The following ZBTB16 variants were observed in gnomAD, a reference collection of about 807,000 sequenced individuals.
ZBTB16 encodes the protein zinc finger and BTB domain containing 16, also known as zinc finger and BTB domain-containing protein 16.
Under a neutral mutation model 56.8 loss-of-function variants are expected in ZBTB16, and 8 were observed. That is an observed-to-expected ratio of 0.14 (90% CI 0.08 to 0.25). The LOEUF is 0.25. ZBTB16 is among the 10% of genes least tolerant of loss of function. The pLI is 1.00. For missense variants in ZBTB16, 625 were observed against 903.0 expected (o/e 0.69, Z 3.95); for synonymous variants, 363 against 368.5 (o/e 0.98, Z 0.17).
At chr11:114,139,626 CGT>C (rs750514241) in intron 2 of ZBTB16, among the ~76,000 whole-genome samples, 14,802 of 138,282 alleles carry the variant, frequency 0.11, 875 homozygotes, top group East Asian at 0.2. Context: ...CCGCGGTCCA[CGT>C]GTGTGTGTGT....
At chr11:114,210,200 C>CGT (rs1281365388) in intron 4 of ZBTB16, among the ~76,000 whole-genome samples, 3 of 140,558 alleles carry the variant, frequency 2.1e-5, no homozygotes, top group African/African-American at 8.0e-5. Context: ...TGTGCGTGCG[C>CGT]GCGCGTGCAC....
At chr11:114,134,570 G>C (rs1453200928) in intron 2 of ZBTB16, among the ~76,000 whole-genome samples, 1 of 152,170 alleles carries the variant, frequency 6.6e-6, no homozygotes, top group Non-Finnish European at 1.5e-5. Flanking sequence ...TTTATACTTA[G>C]GACTGACCAC....
At chr11:114,066,908 C>G (rs1341628125) in intron 2 of ZBTB16, among the ~76,000 whole-genome samples, 1 of 151,618 alleles carries the variant, frequency 6.6e-6, no homozygotes, top group Non-Finnish European at 1.5e-5. Flanking sequence ...GTAGCTGGGA[C>G]TACAGGCACC....
At chr11:114,091,809 AC>A (rs1940202497) in intron 2 of ZBTB16, among the ~76,000 whole-genome samples, 1 of 152,042 alleles carries the variant, frequency 6.6e-6, no homozygotes, top group African/African-American at 2.4e-5. Flanking sequence ...GACAAAGAGA[AC>A]AAAACCAAAT....
At chr11:114,216,885 A>AG (rs11440241) in intron 4 of ZBTB16, among the ~76,000 whole-genome samples, 2,221 of 152,302 alleles carry the variant, frequency 0.015, 53 homozygotes, top group African/African-American at 0.05. Context: ...GTTGAGAGGA[A>AG]GACAGACACA....
At chr11:114,061,561 G>A (rs1938870834) in intron 1 of ZBTB16, 1 of 152,324 alleles carries the variant, frequency 6.6e-6, no homozygotes, top group Non-Finnish European at 1.5e-5. Flanking sequence ...TGGGGGTGGA[G>A]GCAAGCAAGC....
At chr11:114,194,844 G>A (rs1226254675) in intron 4 of ZBTB16, among the ~76,000 whole-genome samples, 4 of 152,134 alleles carry the variant, frequency 2.6e-5, no homozygotes, top group African/African-American at 9.7e-5. Flanking sequence ...TACCATTAAT[G>A]GCTTAATTTA....
At chr11:114,095,245 C>CTTTTTTTTTTTTTTT (rs745895999) in intron 2 of ZBTB16, among the ~76,000 whole-genome samples, 4 of 90,482 alleles carry the variant, frequency 4.4e-5, no homozygotes, top group African/African-American at 1.2e-4. Flanking sequence ...CTTTTCTTTT[C>CTTTTTTTTTTTTTTT]TTTTTTTTTT....
chr11:114,103,834 G>A (rs1234673740), intron 2 of ZBTB16, among the ~76,000 whole-genome samples: 1 of 152,110 alleles, frequency 6.6e-6, no homozygotes, highest in East Asian at 1.9e-4. Context: ...GAGGTGTGGG[G>A]GCTTGTGGTG....
intron 4 of ZBTB16, among the ~76,000 whole-genome samples, chr11:114,238,101 G>A (rs529887425): frequency 1.2e-4 from 18 of 152,176 alleles, no homozygotes; most frequent in East Asian, 5.8e-4. Flanking sequence ...GATTTTTTGC[G>A]TGCCACTCCT....
At chr11:114,176,673 T>A (rs1418116399) in intron 3 of ZBTB16, among the ~76,000 whole-genome samples, 1 of 152,202 alleles carries the variant, frequency 6.6e-6, no homozygotes, top group Non-Finnish European at 1.5e-5. Context: ...AGCGCCCAGC[T>A]TCTCATGAAC....
chr11:114,128,927 C>G (rs1368735661), intron 2 of ZBTB16, among the ~76,000 whole-genome samples: 1 of 152,154 alleles, frequency 6.6e-6, no homozygotes, highest in Admixed American at 6.5e-5. Context: ...TTTGCAGGAC[C>G]TCTTGAGCTC....
chr11:114,183,210 C>G (rs1943290384), intron 3 of ZBTB16, among the ~76,000 whole-genome samples: 1 of 152,188 alleles, frequency 6.6e-6, no homozygotes, highest in South Asian at 2.1e-4. Context: ...AAGGAGGGAC[C>G]TGGCCCAGAG....
rs1337057245 is a variant in ZBTB16, at chr11:114,247,193, C to T, written c.1625-5C>T. ...AAGGCCTGATCCAGCCCCTTGTCTC[C>T]ACAGGCGACCACCCCTACGAGTGTG... On this transcript the variant is annotated splice_region_variant and splice_polypyrimidine_tract_variant and intron_variant, in intron 5 of 6. Transcript: ENST00000335953. 4 of 1,614,106 alleles carry T rather than the reference C, an allele frequency of 2.5e-6. No individual in the cohort carries two copies. Among genetic ancestry groups the T allele is most frequent in the African/African-American group, 1.3e-5 (1 of 74,924 alleles).
chr11:114,190,730 T>TATACAC (rs1404711208), intron 4 of ZBTB16, among the ~76,000 whole-genome samples: 9 of 143,502 alleles, frequency 6.3e-5, no homozygotes, highest in African/African-American at 2.0e-4. Flanking sequence ...CTCTCTCTCA[T>TATACAC]ACACACACAC....
At position 114,255,274 on chromosome 11, in the gene ZBTB16, T is replaced by G. The variant is rs1944981323; in HGVS notation, c.*4719T>G. Among the ~76,000 whole-genome samples the G allele has an allele frequency of 6.6e-6, 1 of 152,248 alleles. No individual in the cohort carries two copies. Among genetic ancestry groups the G allele is most frequent in the South Asian group, 2.1e-4 (1 of 4,834 alleles). On this transcript the variant is annotated 3_prime_UTR_variant, in exon 7 of 7. Transcript: ENST00000335953. ...AGCACAAGTGCCAGTCGGATTGCTC[T>G]GTATTACAGAATAGTGTTTTTAATT...
At position 114,197,054 on chromosome 11, in the gene ZBTB16, AG is replaced by A. The variant is rs369209867; in HGVS notation, c.1453+10021del. 2.1e-3 allele frequency among the ~76,000 whole-genome samples: 323 copies of A among 152,246 alleles called. 2 individuals carry two copies. Among genetic ancestry groups the A allele is most frequent in the African/African-American group, 7.4e-3 (309 of 41,536 alleles). On this transcript the variant is annotated intron_variant, in intron 4 of 6. Coordinates refer to ENST00000335953, the MANE Select transcript of ZBTB16 (RefSeq NM_006006.6). The stretch of plus-strand genomic sequence containing the variant: ...ATGGATCAAAGCCCCTATTTGAAAA[AG>A]GGGGTCAGTTAAGAACACACAATCC...
chr11:114,253,057 C>T lies in ZBTB16; in HGVS notation c.*2502C>T, dbSNP rs533170410. Among the ~76,000 whole-genome samples, 1 of 152,312 alleles carries T rather than the reference C, an allele frequency of 6.6e-6. No individual in the cohort carries two copies. The highest frequency in any genetic ancestry group is 2.1e-4 in the South Asian group (1 of 4,828). On this transcript the variant is annotated 3_prime_UTR_variant, in exon 7 of 7. Transcript: ENST00000335953. ...TGAAATCATTTGGGGGAGGGGCCGT[C>T]TGTAAGAAATCATTATGCACTATGG...
chr11:114,100,940 C>A (rs1367826841), intron 2 of ZBTB16, among the ~76,000 whole-genome samples: 2 of 151,810 alleles, frequency 1.3e-5, no homozygotes, highest in African/African-American at 4.8e-5. Context: ...GAGATACTCA[C>A]GGGAGCCAGC....
Sources: gnomAD v4.1 joint callset for allele counts (sites outside exome capture counted in the v4.1 genomes callset) on GRCh38, gnomAD v4.1.1 for gene constraint, MANE v1.5 for transcripts, NCBI Gene and HGNC (gene_info 2026-07-23, HGNC 2026-07-21) for gene names.